Variants in ZFHX3 observed in about 807,000 individuals in gnomAD.
ZFHX3 encodes the protein zinc finger homeobox 3, also known as zinc finger homeobox protein 3.
ZFHX3 carries 42 observed loss-of-function variants against 279.1 expected under a neutral mutation model. The observed-to-expected ratio is 0.15, with a 90% CI of 0.12 to 0.19. The LOEUF (loss-of-function observed/expected upper bound fraction) is 0.19, where lower values mean the gene tolerates loss of function less well. Among genes scored for constraint, ZFHX3 ranks in the 10% least tolerant of loss-of-function variants. ZFHX3 has a pLI of 1.00. For missense variants in ZFHX3, 4,981 were observed against 4,754.0 expected, an observed-to-expected ratio of 1.05 and a Z score of -1.40; for synonymous variants, 2,293 against 1,957.8, an observed-to-expected ratio of 1.17 and a Z score of -4.52.
At position 72,959,482 on chromosome 16, in the gene ZFHX3, C is replaced by G. The variant is rs1961451919; in HGVS notation, c.664G>C (p.Ala222Pro). ...CTGTGCAGGACGGGGCTGAGCCCCGCCAGGGCTGAGGTATTCGGGAAAGCC... is the reference window on the plus strand; with the variant it reads ...CTGTGCAGGACGGGGCTGAGCCCCGGCAGGGCTGAGGTATTCGGGAAAGCC... ...DQAFPNTSAL[A>P]GLSPVLHSFR... Residue 222 changes from alanine to proline, a missense_variant, in exon 2 of 10, where the codon GCG (alanine) becomes CCG (proline). Physicochemically the swap from Ala to Pro is conservative, Grantham distance 27 (BLOSUM62 -1). Around this residue, in one of 7 missense-constraint regions of ZFHX3, gnomAD observed 1,068 missense variants for 935.2 expected, o/e 1.14. Transcript: ENST00000268489. 2.5e-6 allele frequency: 4 copies of G among 1,614,144 alleles called. No homozygotes were observed.
intron 1 of ZFHX3, among the ~76,000 whole-genome samples, chr16:72,974,332 A>G (rs1962247819): frequency 6.6e-6 from 1 of 152,212 alleles, no homozygotes; most frequent in Non-Finnish European, 1.5e-5. Context: ...AATGGCACAC[A>G]CAGGACAATG....
At chr16:72,829,001 T>C (rs991157078) in intron 5 of ZFHX3, among the ~76,000 whole-genome samples, 1 of 151,318 alleles carries the variant, frequency 6.6e-6, no homozygotes, top group African/African-American at 2.4e-5. Flanking sequence ...GGGAATCTTT[T>C]TTTTTTTTCC....
At chr16:72,961,279 G>A (rs1354511192) in intron 1 of ZFHX3, among the ~76,000 whole-genome samples, 4 of 152,200 alleles carry the variant, frequency 2.6e-5, no homozygotes, top group Admixed American at 6.5e-5. Flanking sequence ...ACCAGCTGTC[G>A]TTCAGCCCTG....
Position 72,796,027 on chromosome 16 carries a change from G to A in ZFHX3, c.6655C>T (p.Leu2219=), listed in dbSNP as rs1433598738. ...CGGGAGTCAATCTTGAGCTCCTCCA[G>A]GCTGGTGATAGGAGGATTACTGAAG... ...YNFSNPPITS[L]EELKIDSRPP... The change falls in exon 9 of 10, where the codon CTG becomes TTG. Residue 2219 remains leucine, a synonymous_variant. Transcript: ENST00000268489. The A allele has an allele frequency of 1.2e-6, 2 of 1,614,066 alleles. No individual in the cohort carries two copies. The highest frequency in any genetic ancestry group is 1.7e-6 in the Non-Finnish European group (2 of 1,180,046).
chr16:72,813,781 C>T (rs2036527987), intron 5 of ZFHX3, among the ~76,000 whole-genome samples: 1 of 152,092 alleles, frequency 6.6e-6, no homozygotes, highest in Non-Finnish European at 1.5e-5. Context: ...GAATGGCTGC[C>T]GATTAACTAG....
intron 4 of ZFHX3, among the ~76,000 whole-genome samples, chr16:73,286,301 T>C (rs1271816719): frequency 6.6e-6 from 1 of 152,166 alleles, no homozygotes; most frequent in Non-Finnish European, 1.5e-5. Context: ...TTTTCAAAGC[T>C]GCACAAAAAT....
At chr16:73,522,530 G>C (rs1043799951) in intron 2 of ZFHX3, among the ~76,000 whole-genome samples, 1 of 152,188 alleles carries the variant, frequency 6.6e-6, no homozygotes, top group African/African-American at 2.4e-5. Flanking sequence ...GGGGCAGTGA[G>C]GGAGGAGGTT....
At chr16:73,183,231 A>C (rs1466991592) in intron 5 of ZFHX3, among the ~76,000 whole-genome samples, 1 of 152,172 alleles carries the variant, frequency 6.6e-6, no homozygotes, top group Non-Finnish European at 1.5e-5. Flanking sequence ...ATTACCTCTT[A>C]GGTACAATGT....
At chr16:73,697,201 T>C (rs1233350477) in intron 1 of ZFHX3, among the ~76,000 whole-genome samples, 1 of 151,196 alleles carries the variant, frequency 6.6e-6, no homozygotes, top group Non-Finnish European at 1.5e-5. Context: ...AAAACATCTA[T>C]CATGAATTCT....
intron 3 of ZFHX3, among the ~76,000 whole-genome samples, chr16:72,907,573 G>C (rs1201122161): frequency 6.7e-6 from 1 of 149,876 alleles, no homozygotes; most frequent in East Asian, 2.0e-4. Context: ...GTGTGTGTGT[G>C]TGTGTGTGTG....
chr16:73,629,737 G>T (rs751738442), intron 2 of ZFHX3, among the ~76,000 whole-genome samples: 1 of 152,096 alleles, frequency 6.6e-6, no homozygotes, highest in African/African-American at 2.4e-5. Flanking sequence ...ATAAAGAGAT[G>T]AATTTAAGGC....
At chr16:73,419,536 T>C (rs2017673373) in intron 3 of ZFHX3, among the ~76,000 whole-genome samples, 2 of 152,170 alleles carry the variant, frequency 1.3e-5, no homozygotes, top group Non-Finnish European at 2.9e-5. Context: ...CTAAAAGCTA[T>C]TTACGTAAGG....
intron 2 of ZFHX3, among the ~76,000 whole-genome samples, chr16:73,630,569 A>C (rs2052459212): frequency 6.6e-6 from 1 of 152,088 alleles, no homozygotes; most frequent in Non-Finnish European, 1.5e-5. Flanking sequence ...GAAGAGACCA[A>C]ATCTGAGGAA....
At chr16:72,803,393 TGCC>T (rs2036170112) in intron 7 of ZFHX3, among the ~76,000 whole-genome samples, 1 of 152,154 alleles carries the variant, frequency 6.6e-6, no homozygotes, top group African/African-American at 2.4e-5. Context: ...CCTTCCCTTT[TGCC>T]AGGAACACTG....
chr16:73,638,445 A>C (rs964059723), intron 2 of ZFHX3, among the ~76,000 whole-genome samples: 3 of 152,188 alleles, frequency 2.0e-5, no homozygotes, highest in Non-Finnish European at 4.4e-5. Flanking sequence ...CAATATTTAG[A>C]CATACAGTAT....
chr16:73,019,043 A>G (rs1249779007), intron 1 of ZFHX3, among the ~76,000 whole-genome samples: 1 of 152,204 alleles, frequency 6.6e-6, no homozygotes, highest in Non-Finnish European at 1.5e-5. Flanking sequence ...AGAATCCTCA[A>G]GGCTGTCACT....
intron 3 of ZFHX3, among the ~76,000 whole-genome samples, chr16:73,350,284 T>A (rs1332902512): frequency 6.6e-6 from 1 of 152,162 alleles, no homozygotes; most frequent in African/African-American, 2.4e-5. Flanking sequence ...GATAGCCTCA[T>A]TAGAAAATGC....
rs10654824 is a variant in ZFHX3, at chr16:73,778,236, T to TAA, written c.-1607-97998_-1607-97997dup. Among the ~76,000 whole-genome samples, 28 of 58,696 alleles carry TAA rather than the reference T, an allele frequency of 4.8e-4. 3 individuals are homozygous for TAA. The highest frequency in any genetic ancestry group is 9.6e-4 in the Admixed American group (4 of 4,170). The allele number at this position is 58,696 out of a possible 152,430, so 38.5% of individuals were successfully genotyped here. A position where few individuals can be genotyped will look rare whatever the true frequency, so the allele number is the denominator to read the frequency against. ...ACTACCTTTACTGTTGAAGGAGTGTTAAAAAAAAAAAAAAAAAAAAAAAAA... is the reference window on the plus strand; with the variant it reads ...ACTACCTTTACTGTTGAAGGAGTGTTAAAAAAAAAAAAAAAAAAAAAAAAAAA... On this transcript the variant is annotated intron_variant, in intron 1 of 17. Transcript: ENST00000641206.
intron 3 of ZFHX3, among the ~76,000 whole-genome samples, chr16:72,930,491 C>T (rs1339448773): frequency 6.6e-6 from 1 of 151,960 alleles, no homozygotes; most frequent in Non-Finnish European, 1.5e-5. Flanking sequence ...TTTATAAGTG[C>T]AAAGTATCTC....
Sources: gnomAD v4.1 joint callset for allele counts (sites outside exome capture counted in the v4.1 genomes callset) on GRCh38, gnomAD v4.1.1 for gene constraint, gnomAD v4.1.1 regional missense constraint, MANE v1.5 for transcripts, NCBI Gene and HGNC (gene_info 2026-07-23, HGNC 2026-07-21) for gene names.